Variants in VPS13B observed in about 807,000 individuals in gnomAD.
VPS13B encodes the protein intermembrane lipid transfer protein VPS13B.
Under a neutral mutation model 426.4 loss-of-function variants are expected in VPS13B, and 285 were observed. The observed-to-expected ratio is 0.67, with a 90% CI of 0.61 to 0.74. VPS13B has a LOEUF of 0.74. Among genes scored for constraint, VPS13B ranks in the 30% least tolerant of loss-of-function variants. VPS13B has a pLI of 0.00. For synonymous variants in VPS13B, 1,676 were observed against 1,676.4 expected (o/e 1.00, Z 0.01); for missense variants, 4,537 against 4,782.6 (o/e 0.95, Z 1.51).
intron 29 of VPS13B, among the ~76,000 whole-genome samples, chr8:99,515,553 T>C (rs1303547992): frequency 2.0e-5 from 3 of 152,168 alleles, no homozygotes; most frequent in African/African-American, 7.2e-5. Context: ...GTATGTGAGA[T>C]TGGGGAAGGT....
At chr8:99,756,049 C>G (rs1810625187) in intron 39 of VPS13B, among the ~76,000 whole-genome samples, 1 of 152,016 alleles carries the variant, frequency 6.6e-6, no homozygotes, top group Admixed American at 6.5e-5. Context: ...TACTTGAAAT[C>G]ACCTGTTTTA....
At chr8:99,309,028 G>T (rs1820802363) in intron 19 of VPS13B, among the ~76,000 whole-genome samples, 1 of 152,108 alleles carries the variant, frequency 6.6e-6, no homozygotes, top group Non-Finnish European at 1.5e-5. Flanking sequence ...TGATGGAGTT[G>T]TTTGTTTTTT....
Position 99,760,761 on chromosome 8 carries a change from A to G in VPS13B, c.7051-6013A>G, listed in dbSNP as rs189354023. ...CATGGATTCAGCCAACCACCAATCAAAAATATTCAAGAAAAGAAAATTGTG... is the reference window on the plus strand; with the variant it reads ...CATGGATTCAGCCAACCACCAATCAGAAATATTCAAGAAAAGAAAATTGTG... On this transcript the variant is annotated intron_variant, in intron 39 of 61. Transcript: ENST00000357162. Among the ~76,000 whole-genome samples, 77 of 152,340 alleles carry G rather than the reference A, an allele frequency of 5.1e-4. 1 individual carries two copies. The East Asian group carries it at 0.014, about 28-fold the overall frequency.
intron 33 of VPS13B, among the ~76,000 whole-genome samples, chr8:99,616,146 C>G (rs1828076086): frequency 6.6e-6 from 1 of 151,974 alleles, no homozygotes; most frequent in Non-Finnish European, 1.5e-5. Context: ...TCTGTTTTAG[C>G]TAAAAATTAA....
At chr8:99,584,181 T>A (rs1267303300) in intron 33 of VPS13B, among the ~76,000 whole-genome samples, 1 of 152,082 alleles carries the variant, frequency 6.6e-6, no homozygotes, top group African/African-American at 2.4e-5. Flanking sequence ...TTACTGCCTA[T>A]CTTCTCCAAG....
intron 33 of VPS13B, among the ~76,000 whole-genome samples, chr8:99,586,465 G>A (rs991638378): frequency 2.6e-5 from 4 of 152,232 alleles, no homozygotes; most frequent in African/African-American, 9.6e-5. Context: ...TCTAATACCT[G>A]AGTCATCCCG....
chr8:99,084,239 G>C (rs555539843), intron 3 of VPS13B, among the ~76,000 whole-genome samples: 26 of 152,228 alleles, frequency 1.7e-4, no homozygotes, highest in African/African-American at 5.8e-4. Flanking sequence ...GTTTATTTGC[G>C]CAGAGGTGTT....
chr8:99,121,678 G>T, intron 8 of VPS13B: 2 of 1,181,622 alleles, frequency 1.7e-6, no homozygotes, highest in South Asian at 2.2e-5. Flanking sequence ...TAGCTTCATG[G>T]ATAGTTTTTT....
At chr8:99,492,982 C>G (rs184867147) in intron 25 of VPS13B, among the ~76,000 whole-genome samples, 2 of 152,298 alleles carry the variant, frequency 1.3e-5, no homozygotes, top group African/African-American at 4.8e-5. Context: ...TAGAGCTGTT[C>G]CTATTCTGTC....
At chr8:99,411,992 A>G (rs1397883273) in intron 21 of VPS13B, among the ~76,000 whole-genome samples, 1 of 152,200 alleles carries the variant, frequency 6.6e-6, no homozygotes, top group African/African-American at 2.4e-5. Context: ...TGATGCCTCC[A>G]GCTTTGTTCT....
At position 99,351,131 on chromosome 8, in the gene VPS13B, A is replaced by G. The variant is rs1387405746; in HGVS notation, c.2825-33077A>G. 2.6e-5 allele frequency among the ~76,000 whole-genome samples: 4 copies of G among 152,188 alleles called. No individual in the cohort carries two copies. In the East Asian group the frequency reaches 5.8e-4, roughly 22 times the overall value. ...GGAGAAATAGATTTTTGAATTGAAAATGCTATTCTGAAATAAGGCCATTTG... is the reference window on the plus strand; with the variant it reads ...GGAGAAATAGATTTTTGAATTGAAAGTGCTATTCTGAAATAAGGCCATTTG... On this transcript the variant is annotated intron_variant, in intron 19 of 61. Transcript: ENST00000357162.
intron 40 of VPS13B, among the ~76,000 whole-genome samples, chr8:99,767,827 C>T (rs1174433999): frequency 6.6e-6 from 1 of 152,040 alleles, no homozygotes; most frequent in Non-Finnish European, 1.5e-5. Flanking sequence ...ACTTGGGAAG[C>T]TGTTGGGGAG....
intron 17 of VPS13B, among the ~76,000 whole-genome samples, chr8:99,259,477 G>T (rs563357189): frequency 6.6e-6 from 1 of 152,188 alleles, no homozygotes; most frequent in South Asian, 2.1e-4. Flanking sequence ...GTGTGGGCAA[G>T]TAGGGGGGAA....
At chr8:99,779,296 A>G (rs1164540663) in intron 42 of VPS13B, among the ~76,000 whole-genome samples, 1 of 152,218 alleles carries the variant, frequency 6.6e-6, no homozygotes, top group African/African-American at 2.4e-5. Context: ...ATCTGTGTGG[A>G]AAGTAACATA....
chr8:99,259,230 C>T (rs1817919072), intron 17 of VPS13B, among the ~76,000 whole-genome samples: 1 of 152,016 alleles, frequency 6.6e-6, no homozygotes, highest in Non-Finnish European at 1.5e-5. Flanking sequence ...TAGTATTTAA[C>T]CTCAGAAATT....
At chr8:99,233,438 T>A in intron 17 of VPS13B, 5 of 1,287,958 alleles carry the variant, frequency 3.9e-6, no homozygotes, top group Non-Finnish European at 5.7e-6. Flanking sequence ...TGTGCCCCTT[T>A]CTTCCCGATG....
At chr8:99,440,329 G>A (rs1221526777) in intron 22 of VPS13B, among the ~76,000 whole-genome samples, 1 of 152,100 alleles carries the variant, frequency 6.6e-6, no homozygotes, top group African/African-American at 2.4e-5. Flanking sequence ...CCCCCAGCTT[G>A]AGGACTTCTT....
At chr8:99,268,275 C>T (rs1024193641) in intron 17 of VPS13B, among the ~76,000 whole-genome samples, 6 of 152,204 alleles carry the variant, frequency 3.9e-5, no homozygotes, top group Non-Finnish European at 8.8e-5. Context: ...TACTGGGGCA[C>T]TGCCTACTGG....
At chr8:99,086,578 A>G (rs1206297479) in intron 3 of VPS13B, among the ~76,000 whole-genome samples, 1 of 152,000 alleles carries the variant, frequency 6.6e-6, no homozygotes, top group Non-Finnish European at 1.5e-5. Flanking sequence ...TTTTATCCCC[A>G]TCTTTGTGGT....
Sources: gnomAD v4.1 joint callset for allele counts (sites outside exome capture counted in the v4.1 genomes callset) on GRCh38, gnomAD v4.1.1 for gene constraint, MANE v1.5 for transcripts, NCBI Gene and HGNC (gene_info 2026-07-23, HGNC 2026-07-21) for gene names.